Variants in KATNIP observed in about 807,000 individuals in gnomAD.
The protein encoded by KATNIP is katanin-interacting protein.
In KATNIP, 126 loss-of-function variants were observed where a neutral mutation model predicts 174.0. That is an observed-to-expected ratio of 0.72 (90% CI 0.63 to 0.84). KATNIP has a LOEUF of 0.84. Among genes scored for constraint, KATNIP ranks in the 40% least tolerant of loss-of-function variants. KATNIP has a pLI of 0.00. For synonymous variants in KATNIP, 810 were observed against 835.7 expected (o/e 0.97, Z 0.53); for missense variants, 1,958 against 2,109.7 (o/e 0.93, Z 1.41).
At chr16:27,704,088 G>GT in intron 12 of KATNIP, 90 bp downstream of exon 12, 1 of 992,736 alleles carries the variant, frequency 1.0e-6, no homozygotes, top group East Asian at 2.5e-5. Context: ...TCTGACAGTG[G>GT]TTAAATGAGC....
rs201676999 is a variant in KATNIP at position 27,708,867 on chromosome 16, C to G, written c.1552C>G (p.Arg518Gly). 15 of 1,613,834 alleles carry G rather than the reference C, an allele frequency of 9.3e-6. No homozygotes were observed. Among genetic ancestry groups the G allele is most frequent in the African/African-American group, 1.3e-5 (1 of 74,878 alleles). ...TGTGTCGCCCCACGATGTGGATATC[C>G]GGAACACAGCCACGCCTGGGGAGCT... The part of the protein sequence containing the change: ...LYVSPHDVDI[R>G]NTATPGELGR... Residue 518 changes from arginine (R) to glycine (G), a missense_variant, in exon 13 of 28, where the codon CGG (arginine) becomes GGG (glycine). Coordinates refer to ENST00000261588, the MANE Select transcript of KATNIP (RefSeq NM_015202.5).
intron 14 of KATNIP, among the ~76,000 whole-genome samples, chr16:27,734,141 G>A (rs2143359782): frequency 6.6e-6 from 1 of 151,892 alleles, no homozygotes; most frequent in African/African-American, 2.4e-5. Flanking sequence ...GGAGTACAGT[G>A]GCACAATCTC....
At chr16:27,696,627 T>C (rs2078921738) in intron 8 of KATNIP, among the ~76,000 whole-genome samples, 1 of 152,246 alleles carries the variant, frequency 6.6e-6, no homozygotes, top group Non-Finnish European at 1.5e-5. Flanking sequence ...CTCAGGATAA[T>C]GGCCTTCAGT....
intron 8 of KATNIP, among the ~76,000 whole-genome samples, chr16:27,694,266 G>A (rs2078838121): frequency 6.6e-6 from 1 of 152,084 alleles, no homozygotes; most frequent in African/African-American, 2.4e-5. Context: ...ATTCTAATGG[G>A]GCGTAGCAAG....
intron 13 of KATNIP, among the ~76,000 whole-genome samples, chr16:27,717,064 G>A (rs558636243): frequency 1.3e-5 from 2 of 152,072 alleles, no homozygotes; most frequent in African/African-American, 2.4e-5. Flanking sequence ...GGCTGGTCTC[G>A]AACTCCTGAC....
intron 1 of KATNIP, among the ~76,000 whole-genome samples, chr16:27,552,296 C>T (rs995349013): frequency 6.6e-6 from 1 of 151,374 alleles, no homozygotes; most frequent in Non-Finnish European, 1.5e-5. Flanking sequence ...CAGAGAGAAA[C>T]ATTTTAATTG....
chr16:27,767,550 A>T (rs1198799758), intron 20 of KATNIP, among the ~76,000 whole-genome samples: 1 of 152,004 alleles, frequency 6.6e-6, no homozygotes, highest in African/African-American at 2.4e-5. Flanking sequence ...AGAGACCCCC[A>T]TCTCTACCAA....
At chr16:27,656,634 T>C (rs1334103902) in intron 6 of KATNIP, among the ~76,000 whole-genome samples, 1 of 150,276 alleles carries the variant, frequency 6.7e-6, no homozygotes, top group Admixed American at 6.7e-5. Context: ...TTCATGTCCT[T>C]TGTAGGGACA....
rs1023021423 is a variant in KATNIP, at chr16:27,725,382, C to T, written c.1743+3687C>T. 4.6e-5 allele frequency among the ~76,000 whole-genome samples: 7 copies of T among 152,148 alleles called. No individual in the cohort carries two copies. The East Asian group carries it at 1.2e-3, about 25-fold the overall frequency. ...GATGGGAAACAGCTTGCTGGAGTGC[C>T]GTCCTGAGAAAGATCTGGAACCTTC... On this transcript the variant is annotated intron_variant, in intron 14 of 27. Transcript: ENST00000261588.
At position 27,695,217 on chromosome 16, in the gene KATNIP, C is replaced by G. The variant is rs569524049; in HGVS notation, c.941-3111C>G. Among the ~76,000 whole-genome samples the G allele has an allele frequency of 2.6e-5, 4 of 152,320 alleles. No homozygotes were observed. The East Asian group carries it at 7.7e-4, about 29-fold the overall frequency. ...CTCCCTGCTTTCACCTCCTTTCAGT[C>G]TCTTCTCCACTCTGCACCTACATCA... On this transcript the variant is annotated intron_variant, in intron 8 of 27. Coordinates refer to ENST00000261588, the MANE Select transcript of KATNIP (RefSeq NM_015202.5).
chr16:27,739,080 G>A (rs149417990), intron 14 of KATNIP, among the ~76,000 whole-genome samples: 1 of 152,344 alleles, frequency 6.6e-6, no homozygotes, highest in East Asian at 1.9e-4. Context: ...AACGCAGAGT[G>A]GAAGCAGAGA....
At chr16:27,763,710 A>G (rs1420334025) in intron 19 of KATNIP, among the ~76,000 whole-genome samples, 1 of 151,572 alleles carries the variant, frequency 6.6e-6, no homozygotes, top group Non-Finnish European at 1.5e-5. Context: ...CCCCACACCC[A>G]CCCTTTTTAA....
intron 3 of KATNIP, among the ~76,000 whole-genome samples, chr16:27,622,747 C>G (rs2076232107): frequency 6.6e-6 from 1 of 152,154 alleles, no homozygotes; most frequent in South Asian, 2.1e-4. Context: ...AGGAGAGAAC[C>G]AGCATCACTG....
intron 13 of KATNIP, 62 bp from the exon 14 acceptor site, chr16:27,721,496 A>G (rs925306795): frequency 1.9e-5 from 31 of 1,605,624 alleles, no homozygotes; most frequent in African/African-American, 2.7e-5. Context: ...AGCCGCTGCC[A>G]TTTTACTTTG....
chr16:27,755,524 C>T (rs1819328854), intron 18 of KATNIP: 1 of 152,228 alleles, frequency 6.6e-6, no homozygotes, highest in African/African-American at 2.4e-5. Context: ...CTGGGATGGC[C>T]CTTTGGGGTC....
At chr16:27,567,179 A>G (rs1596737705) in intron 1 of KATNIP, among the ~76,000 whole-genome samples, 3 of 152,254 alleles carry the variant, frequency 2.0e-5, no homozygotes, top group African/African-American at 7.2e-5. Context: ...TCCCTCTGAC[A>G]GACCACCTGC....
At chr16:27,647,412 G>T (rs1420335112) in intron 5 of KATNIP, among the ~76,000 whole-genome samples, 2 of 151,924 alleles carry the variant, frequency 1.3e-5, no homozygotes, top group African/African-American at 2.4e-5. Flanking sequence ...TGTGATCTTG[G>T]CTCACTGCAG....
chr16:27,562,788 T>C (rs893934803), intron 1 of KATNIP, among the ~76,000 whole-genome samples: 2 of 152,234 alleles, frequency 1.3e-5, no homozygotes, highest in African/African-American at 4.8e-5. Context: ...GTGTAGCATT[T>C]ACTTATCTTT....
At chr16:27,728,870 C>T (rs958640407) in intron 14 of KATNIP, among the ~76,000 whole-genome samples, 3 of 152,178 alleles carry the variant, frequency 2.0e-5, no homozygotes, top group East Asian at 1.9e-4. Flanking sequence ...AGCAAGTGGG[C>T]GGGCTGCAGC....
Sources: allele counts gnomAD v4.1 joint callset (sites outside exome capture counted in the v4.1 genomes callset), GRCh38; gene constraint gnomAD v4.1.1; transcripts MANE v1.5; gene names NCBI Gene and HGNC (gene_info 2026-07-23, HGNC 2026-07-21).